INTS9: variants seen among roughly 807,000 people sequenced by gnomAD.
INTS9 encodes integrator complex subunit 9, also known as protein related to CPSF subunits of 74 kDa.
INTS9 carries 55 observed loss-of-function variants against 79.7 expected under a neutral mutation model. That is an observed-to-expected ratio of 0.69 (90% CI 0.56 to 0.86). The LOEUF (loss-of-function observed/expected upper bound fraction) is 0.86. Ranked by LOEUF, INTS9 falls within the 40% of genes least tolerant of loss-of-function variation. The pLI, the probability that INTS9 is intolerant of heterozygous loss-of-function variation, is 0.00. For synonymous variants in INTS9, 319 were observed against 325.2 expected, an observed-to-expected ratio of 0.98 and a Z score of 0.20; for missense variants, 721 against 831.5, an observed-to-expected ratio of 0.87 and a Z score of 1.64.
chr8:28,825,457 C>A (rs1263014108), intron 6 of INTS9, among the ~76,000 whole-genome samples: 1 of 152,218 alleles, frequency 6.6e-6, no homozygotes, highest in Non-Finnish European at 1.5e-5. Context: ...TGCTTTCTTT[C>A]TGCGATTTTC....
At position 28,846,816 on chromosome 8, in the gene INTS9, G is replaced by A; in HGVS notation, c.199-7C>T. The A allele has an allele frequency of 6.2e-7, 1 of 1,608,982 alleles. No individual in the cohort carries two copies. The highest frequency in any genetic ancestry group is 8.5e-7 in the Non-Finnish European group (1 of 1,175,536). ...CCGAGCACTCCTTTAGCTCCTAAAA[G>A]AAATGAAAAGGAAAAATACAAGGAA... On this transcript the variant is annotated splice_polypyrimidine_tract_variant and splice_region_variant and intron_variant, in intron 3 of 16. Transcript: ENST00000521022.
intron 8 of INTS9, among the ~76,000 whole-genome samples, chr8:28,807,859 G>A (rs1804896048): frequency 6.6e-6 from 1 of 152,150 alleles, no homozygotes; most frequent in Non-Finnish European, 1.5e-5. Flanking sequence ...GTATTATAGG[G>A]CTCAGTCACA....
chr8:28,853,386 C>T (rs1253402763), intron 2 of INTS9, among the ~76,000 whole-genome samples: 1 of 147,768 alleles, frequency 6.8e-6, no homozygotes, highest in Non-Finnish European at 1.5e-5. Context: ...GTACTCCAGC[C>T]TGGGCAAAAA....
chr8:28,855,071 T>G (rs1231359233), intron 2 of INTS9, among the ~76,000 whole-genome samples: 1 of 152,102 alleles, frequency 6.6e-6, no homozygotes, highest in African/African-American at 2.4e-5. Flanking sequence ...CATGGAACTT[T>G]GAGCAGATTC....
At chr8:28,817,810 T>C (rs1377729045) in intron 6 of INTS9, among the ~76,000 whole-genome samples, 1 of 148,444 alleles carries the variant, frequency 6.7e-6, no homozygotes, top group Non-Finnish European at 1.5e-5. Context: ...TTCCATTTGT[T>C]TGTACCCTCT....
chr8:28,843,144 C>T (rs1016794941), intron 4 of INTS9, among the ~76,000 whole-genome samples: 7 of 152,208 alleles, frequency 4.6e-5, no homozygotes, highest in African/African-American at 9.6e-5. Context: ...CGGTTCTCAC[C>T]GTCCAGGTCT....
chr8:28,842,236 CTTG>C (rs1227621567), intron 4 of INTS9, among the ~76,000 whole-genome samples: 1 of 151,986 alleles, frequency 6.6e-6, no homozygotes, highest in Admixed American at 6.6e-5. Context: ...AGGGGTTGGT[CTTG>C]TTGTCTTGGG....
At chr8:28,881,523 A>G (rs1293775098) in intron 1 of INTS9, among the ~76,000 whole-genome samples, 11 of 55,080 alleles carry the variant, frequency 2.0e-4, no homozygotes, top group Admixed American at 4.5e-4. Flanking sequence ...TCCGGGAGGG[A>G]GGTGGGGGGG....
intron 11 of INTS9, among the ~76,000 whole-genome samples, chr8:28,783,244 A>G (rs1803407725): frequency 6.6e-6 from 1 of 151,998 alleles, no homozygotes; most frequent in Non-Finnish European, 1.5e-5. Context: ...CTGCAGCATA[A>G]CACTTGACAA....
chr8:28,796,585 G>A lies in INTS9; in HGVS notation c.815C>T (p.Ala272Val). 1 of 1,613,904 alleles carries A rather than the reference G, an allele frequency of 6.2e-7. No individual in the cohort carries two copies. The highest frequency in any genetic ancestry group is 8.5e-7 in the Non-Finnish European group (1 of 1,179,756). Residue 272 changes from alanine (A) to valine (V), a missense_variant, in exon 9 of 17, where the codon GCA becomes GTA. Physicochemically the swap from Ala to Val is moderately conservative, Grantham distance 64. Transcript: ENST00000521022. Reference sequence around the variant, plus strand: ...CTCTCCCACCATTCCATCTGGGTTTGCAGTGGGGATCTGGGTAAGCCCTGT... The same window carrying A: ...CTCTCCCACCATTCCATCTGGGTTTACAGTGGGGATCTGGGTAAGCCCTGT... Reference protein sequence around the residue: ...VLTGLTQIPTANPDGMVGEFC... With the variant: ...VLTGLTQIPTVNPDGMVGEFC...
intron 9 of INTS9, among the ~76,000 whole-genome samples, chr8:28,795,586 G>A (rs1320881413): frequency 7.2e-6 from 1 of 139,416 alleles, no homozygotes; most frequent in Non-Finnish European, 1.5e-5. Context: ...GTTGCAGTGA[G>A]CCAAGATCGT....
chr8:28,881,865 A>G (rs1195887311), intron 1 of INTS9, among the ~76,000 whole-genome samples: 64 of 119,014 alleles, frequency 5.4e-4, no homozygotes, highest in African/African-American at 6.5e-4. Context: ...CAGCCGCCCC[A>G]TCCGGGAGGT....
chr8:28,776,687 T>TCTCCTCCAAACTGCCCTTTG (rs1383745847), intron 13 of INTS9, among the ~76,000 whole-genome samples: 1 of 151,992 alleles, frequency 6.6e-6, no homozygotes, highest in African/African-American at 2.4e-5. Flanking sequence ...CTAATACTTT[T>TCTCCTCCAAACTGCCCTTTG]CTCCTCCAAA....
At chr8:28,823,486 C>T (rs1305803471) in intron 6 of INTS9, among the ~76,000 whole-genome samples, 2 of 152,178 alleles carry the variant, frequency 1.3e-5, no homozygotes, top group African/African-American at 2.4e-5. Context: ...GCTCTTTGTC[C>T]AACTCGGTGT....
At chr8:28,887,428 C>T (rs1194051339) in intron 1 of INTS9, among the ~76,000 whole-genome samples, 2 of 152,052 alleles carry the variant, frequency 1.3e-5, no homozygotes, top group African/African-American at 4.8e-5. Context: ...GAAATAGAAC[C>T]TATTTAAGAA....
intron 8 of INTS9, chr8:28,810,469 A>C (rs1805047652): frequency 6.6e-6 from 1 of 152,226 alleles, no homozygotes; most frequent in Non-Finnish European, 1.5e-5. Flanking sequence ...GGTTATGTTA[A>C]AAAATAAATA....
At chr8:28,768,725 C>T in intron 16 of INTS9, among the ~76,000 whole-genome samples, 1 of 152,222 alleles carries the variant, frequency 6.6e-6, no homozygotes, top group East Asian at 1.9e-4. Context: ...GCAGAGCCCT[C>T]TCAAGAGTGA....
At chr8:28,784,825 C>T (rs1315964385) in intron 11 of INTS9, among the ~76,000 whole-genome samples, 1 of 149,774 alleles carries the variant, frequency 6.7e-6, no homozygotes, top group African/African-American at 2.5e-5. Flanking sequence ...ACTGCCCCCT[C>T]TCATCTACAC....
chr8:28,812,243 A>G, intron 8 of INTS9, 84 bp downstream of exon 8: 1 of 1,357,002 alleles, frequency 7.4e-7, no homozygotes, highest in Non-Finnish European at 1.0e-6. Flanking sequence ...AAGATTTAAA[A>G]ATGGCTGATG....
Sources: allele counts gnomAD v4.1 joint callset (sites outside exome capture counted in the v4.1 genomes callset), GRCh38; gene constraint gnomAD v4.1.1; transcripts MANE v1.5; gene names NCBI Gene and HGNC (gene_info 2026-07-23, HGNC 2026-07-21).